The following NTM variants were observed in gnomAD, a reference collection of about 807,000 sequenced individuals.
NTM encodes the protein neurotrimin.
Under a neutral mutation model 42.1 loss-of-function variants are expected in NTM, and 13 were observed. The observed-to-expected ratio is 0.31, with a 90% CI of 0.20 to 0.49. NTM has a LOEUF of 0.49. Ranked by LOEUF, NTM falls within the 20% of genes least tolerant of loss-of-function variation. The pLI, the probability that NTM is intolerant of heterozygous loss-of-function variation, is 0.99. For missense variants in NTM, 373 were observed against 452.8 expected, an observed-to-expected ratio of 0.82 and a Z score of 1.60; for synonymous variants, 187 against 179.2, an observed-to-expected ratio of 1.04 and a Z score of -0.35.
At chr11:131,887,424 G>A (rs1200335450) in intron 1 of NTM, among the ~76,000 whole-genome samples, 1 of 152,126 alleles carries the variant, frequency 6.6e-6, no homozygotes, top group African/African-American at 2.4e-5. Context: ...GCTTCTTTCT[G>A]GCTTCTTCTC....
At chr11:131,731,483 T>A (rs1160051272) in intron 1 of NTM, among the ~76,000 whole-genome samples, 1 of 152,198 alleles carries the variant, frequency 6.6e-6, no homozygotes, top group African/African-American at 2.4e-5. Flanking sequence ...TGCTCCTGTT[T>A]ATTCCTCTTA....
chr11:131,383,132 T>C (rs1243143046), intron 1 of NTM, among the ~76,000 whole-genome samples: 2 of 152,236 alleles, frequency 1.3e-5, no homozygotes, highest in Non-Finnish European at 2.9e-5. Flanking sequence ...CATCAGCTTT[T>C]TGTTATCTCC....
intron 1 of NTM, among the ~76,000 whole-genome samples, chr11:131,417,305 C>T (rs1246038657): frequency 6.6e-6 from 1 of 152,192 alleles, no homozygotes; most frequent in Non-Finnish European, 1.5e-5. Flanking sequence ...TAATAAAATA[C>T]CATGTTGGAC....
In NTM at chr11:132,069,628, C is replaced by T. The variant is rs1367393312; in HGVS notation, c.168-76654C>T. On this transcript the variant is annotated intron_variant, in intron 2 of 8. Coordinates refer to ENST00000683400, the MANE Select transcript of NTM (RefSeq NM_001352005.2). ...AGTTAACACATCACACTGACCGTCACAGGTTAGTTAACAGGTCACCCAGCC... is the reference window on the plus strand; with the variant it reads ...AGTTAACACATCACACTGACCGTCATAGGTTAGTTAACAGGTCACCCAGCC... 6.0e-5 allele frequency among the ~76,000 whole-genome samples: 9 copies of T among 150,180 alleles called. 1 individual carries two copies. Among genetic ancestry groups the T allele is most frequent in the Admixed American group, 4.6e-4 (7 of 15,130 alleles).
At chr11:131,813,728 T>C (rs1156461173) in intron 1 of NTM, among the ~76,000 whole-genome samples, 1 of 152,234 alleles carries the variant, frequency 6.6e-6, no homozygotes, top group East Asian at 1.9e-4. Context: ...CTTTTCTTTC[T>C]TCTAGAAACT....
intron 4 of NTM, among the ~76,000 whole-genome samples, chr11:132,270,355 C>T (rs1044020525): frequency 1.9e-4 from 29 of 152,222 alleles, no homozygotes; most frequent in African/African-American, 6.3e-4. Context: ...CCTCAGCTTC[C>T]GGAGTAGCTG....
At chr11:131,730,721 A>AAAAAAAAAAAAAAAAAAAAAG (rs113412896) in intron 1 of NTM, among the ~76,000 whole-genome samples, 15 of 134,270 alleles carry the variant, frequency 1.1e-4, no homozygotes, top group African/African-American at 3.6e-4. Flanking sequence ...CTATCTGTTA[A>AAAAAAAAAAAAAAAAAAAAAG]AAGAAGAAGA....
At chr11:131,598,552 G>GCTCCCCCCTCCATTA (rs1323527921) in intron 1 of NTM, among the ~76,000 whole-genome samples, 13 of 152,080 alleles carry the variant, frequency 8.5e-5, no homozygotes, top group African/African-American at 3.1e-4. Flanking sequence ...GGGGCGGAGA[G>GCTCCCCCCTCCATTA]CTCCCCCCTC....
intron 1 of NTM, among the ~76,000 whole-genome samples, chr11:131,829,266 T>TG (rs1489032697): frequency 1.3e-5 from 2 of 152,160 alleles, no homozygotes; most frequent in Non-Finnish European, 2.9e-5. Flanking sequence ...TGGTGAGGTT[T>TG]GGGGAACAAT....
At chr11:132,055,145 G>T (rs1394502112) in intron 2 of NTM, among the ~76,000 whole-genome samples, 1 of 152,234 alleles carries the variant, frequency 6.6e-6, no homozygotes, top group Admixed American at 6.5e-5. Context: ...ATCATATGTG[G>T]CTGTTTCTTT....
chr11:131,873,639 A>ATATATATACATATATATATACAC (rs2048111319), intron 1 of NTM, among the ~76,000 whole-genome samples: 3 of 123,000 alleles, frequency 2.4e-5, no homozygotes, highest in Middle Eastern at 4.0e-3. Flanking sequence ...ATATATACAC[A>ATATATATACATATATATATACAC]TATATATATA....
chr11:131,975,105 T>G (rs929181566), intron 2 of NTM, among the ~76,000 whole-genome samples: 3 of 152,210 alleles, frequency 2.0e-5, no homozygotes, highest in Non-Finnish European at 4.4e-5. Flanking sequence ...TACAGTAATA[T>G]AACTGCCTAG....
At chr11:132,182,997 A>G (rs1051689130) in intron 3 of NTM, among the ~76,000 whole-genome samples, 1 of 151,914 alleles carries the variant, frequency 6.6e-6, no homozygotes, top group Non-Finnish European at 1.5e-5. Flanking sequence ...CTTTCTTTGC[A>G]TTTTCCTCCC....
At chr11:132,248,175 T>C (rs1268565482) in intron 4 of NTM, among the ~76,000 whole-genome samples, 1 of 152,208 alleles carries the variant, frequency 6.6e-6, no homozygotes, top group Admixed American at 6.5e-5. Flanking sequence ...AGTGTCCCAT[T>C]CTCAGGGAGG....
chr11:132,159,172 A>G (rs967081877), intron 3 of NTM, among the ~76,000 whole-genome samples: 2 of 152,210 alleles, frequency 1.3e-5, no homozygotes, highest in African/African-American at 4.8e-5. Context: ...GTTCCTGACC[A>G]GGAGACCCCC....
At chr11:132,175,666 CA>C (rs2076701529) in intron 3 of NTM, among the ~76,000 whole-genome samples, 2 of 151,994 alleles carry the variant, frequency 1.3e-5, no homozygotes, top group Admixed American at 1.3e-4. Flanking sequence ...CGGCTCACTG[CA>C]AGCTCCACCT....
chr11:131,842,603 A>G (rs906766765), intron 1 of NTM, among the ~76,000 whole-genome samples: 1 of 152,206 alleles, frequency 6.6e-6, no homozygotes, highest in Non-Finnish European at 1.5e-5. Flanking sequence ...AAAATCTTGA[A>G]CTGACCTTTT....
intron 1 of NTM, among the ~76,000 whole-genome samples, chr11:131,548,537 G>C (rs952547675): frequency 5.9e-5 from 9 of 152,080 alleles, no homozygotes; most frequent in African/African-American, 2.2e-4. Context: ...TAAATGTGAT[G>C]CTGACAAGGC....
chr11:132,038,396 TC>T (rs2076767258), intron 2 of NTM, among the ~76,000 whole-genome samples: 1 of 152,176 alleles, frequency 6.6e-6, no homozygotes, highest in African/African-American at 2.4e-5. Context: ...ACAGTTTGGT[TC>T]CTCGGCTTGC....
Sources: allele counts gnomAD v4.1 joint callset (sites outside exome capture counted in the v4.1 genomes callset), GRCh38; gene constraint gnomAD v4.1.1; transcripts MANE v1.5; gene names NCBI Gene and HGNC (gene_info 2026-07-23, HGNC 2026-07-21).